Variants in SLC25A21 observed in about 807,000 individuals in gnomAD.
SLC25A21 encodes solute carrier family 25 member 21, also known as mitochondrial 2-oxodicarboxylate carrier.
Under a neutral mutation model 43.8 loss-of-function variants are expected in SLC25A21, and 47 were observed. The observed-to-expected ratio is 1.07, with a 90% confidence interval of 0.85 to 1.37. The LOEUF (loss-of-function observed/expected upper bound fraction) is 1.37, where lower values mean the gene tolerates loss of function less well. SLC25A21 is among the 40% of genes most tolerant of loss of function. The probability of loss-of-function intolerance (pLI) is 0.00; values close to 1 mark genes in which losing one functional copy is unlikely to be tolerated. For synonymous variants in SLC25A21, 131 were observed against 121.3 expected (o/e 1.08, Z -0.52); for missense variants, 352 against 350.2 (o/e 1.00, Z -0.04).
At chr14:36,959,849 A>T (rs1959445100) in intron 1 of SLC25A21, among the ~76,000 whole-genome samples, 1 of 152,230 alleles carries the variant, frequency 6.6e-6, no homozygotes, top group Admixed American at 6.5e-5. Flanking sequence ...TTAAGACAGA[A>T]TATTGAAATA....
intron 1 of SLC25A21, among the ~76,000 whole-genome samples, chr14:37,138,854 T>A (rs965315220): frequency 6.6e-6 from 1 of 152,134 alleles, no homozygotes; most frequent in African/African-American, 2.4e-5. Flanking sequence ...AATTTTTTGG[T>A]AAACTGTGTT....
chr14:37,158,078 G>A (rs1419946743), intron 1 of SLC25A21, among the ~76,000 whole-genome samples: 2 of 152,090 alleles, frequency 1.3e-5, no homozygotes, highest in South Asian at 2.1e-4. Context: ...TAGCAAGATT[G>A]AATCAGTAAT....
chr14:36,718,011 T>TA (rs954372463), intron 6 of SLC25A21, among the ~76,000 whole-genome samples: 1 of 152,092 alleles, frequency 6.6e-6, no homozygotes, highest in Non-Finnish European at 1.5e-5. Flanking sequence ...CTTGATTTGT[T>TA]AAAAAAGTAT....
chr14:36,750,516 A>G (rs1182164140), intron 3 of SLC25A21, among the ~76,000 whole-genome samples: 1 of 152,154 alleles, frequency 6.6e-6, no homozygotes, highest in East Asian at 1.9e-4. Context: ...TGGTTGTATG[A>G]GACATTGTAT....
At chr14:36,910,482 G>T (rs1291827573) in intron 1 of SLC25A21, among the ~76,000 whole-genome samples, 2 of 152,102 alleles carry the variant, frequency 1.3e-5, no homozygotes, top group Admixed American at 6.6e-5. Flanking sequence ...GTGATTATTT[G>T]GGAAGGTTTT....
intron 7 of SLC25A21, among the ~76,000 whole-genome samples, chr14:36,685,738 C>A (rs1414623859): frequency 6.6e-6 from 1 of 152,172 alleles, no homozygotes; most frequent in Admixed American, 6.5e-5. Flanking sequence ...TGCTTTCTGA[C>A]ATCAAAGTAT....
At chr14:36,817,664 T>A (rs191650946) in intron 2 of SLC25A21, among the ~76,000 whole-genome samples, 18 of 152,270 alleles carry the variant, frequency 1.2e-4, no homozygotes, top group Non-Finnish European at 2.4e-4. Context: ...GGATGGCCAT[T>A]GCACAATTGC....
intron 1 of SLC25A21, among the ~76,000 whole-genome samples, chr14:37,063,360 C>G (rs1010400928): frequency 3.9e-5 from 6 of 151,998 alleles, no homozygotes; most frequent in African/African-American, 1.4e-4. Context: ...ATTAGCCAGG[C>G]CTGGTGGCTT....
chr14:37,058,700 A>C (rs931282698), intron 1 of SLC25A21, among the ~76,000 whole-genome samples: 1 of 152,176 alleles, frequency 6.6e-6, no homozygotes, highest in Non-Finnish European at 1.5e-5. Flanking sequence ...GAATTTGGGG[A>C]CTCTAGGGTT....
chr14:37,038,584 T>A (rs2415373), intron 1 of SLC25A21, among the ~76,000 whole-genome samples: 7,317 of 152,220 alleles, frequency 0.048, 220 homozygotes, highest in African/African-American at 0.08. Flanking sequence ...TATTATGAAA[T>A]AAAAGTTTCT....
chr14:36,801,716 G>A, intron 3 of SLC25A21, among the ~76,000 whole-genome samples: 1 of 152,112 alleles, frequency 6.6e-6, no homozygotes, highest in East Asian at 1.9e-4. Context: ...AACTCAAACT[G>A]CCTCTTATTT....
chr14:36,927,151 C>T (rs973598802), intron 1 of SLC25A21, among the ~76,000 whole-genome samples: 1 of 152,160 alleles, frequency 6.6e-6, no homozygotes, highest in South Asian at 2.1e-4. Context: ...GCCTGGGCAA[C>T]AGGACAAGAC....
chr14:36,872,423 A>G (rs1299692533), intron 2 of SLC25A21, among the ~76,000 whole-genome samples: 2 of 152,180 alleles, frequency 1.3e-5, no homozygotes, highest in Non-Finnish European at 2.9e-5. Flanking sequence ...CTATTTAGAA[A>G]CACAGTCATC....
At chr14:36,900,313 G>C (rs538310363) in intron 1 of SLC25A21, among the ~76,000 whole-genome samples, 1 of 152,188 alleles carries the variant, frequency 6.6e-6, no homozygotes, top group East Asian at 2.0e-4. Context: ...TGGCCAGGAG[G>C]ATAGGGACAT....
intron 1 of SLC25A21, among the ~76,000 whole-genome samples, chr14:37,123,292 C>A (rs527934156): frequency 6.6e-6 from 1 of 152,114 alleles, no homozygotes; most frequent in South Asian, 2.1e-4. Flanking sequence ...ATTATTCTTC[C>A]GATTCCTCGA....
chr14:37,051,178 A>C (rs556931529), intron 1 of SLC25A21, among the ~76,000 whole-genome samples: 1 of 152,348 alleles, frequency 6.6e-6, no homozygotes, highest in Non-Finnish European at 1.5e-5. Flanking sequence ...CATAAGTCTA[A>C]GCACCGCATA....
chr14:36,869,856 A>T (rs2138546879), intron 2 of SLC25A21, among the ~76,000 whole-genome samples: 1 of 152,318 alleles, frequency 6.6e-6, no homozygotes, highest in East Asian at 1.9e-4. Flanking sequence ...AAGAGAGATG[A>T]GAGAGGACCT....
intron 2 of SLC25A21, among the ~76,000 whole-genome samples, chr14:36,830,097 T>C (rs1594624322): frequency 1.3e-5 from 2 of 152,276 alleles, no homozygotes; most frequent in African/African-American, 2.4e-5. Flanking sequence ...AGAGAAACCA[T>C]AGAAATAACC....
At chr14:37,146,331 G>C (rs922204458) in intron 1 of SLC25A21, among the ~76,000 whole-genome samples, 3 of 151,992 alleles carry the variant, frequency 2.0e-5, no homozygotes, top group African/African-American at 7.3e-5. Context: ...ATGCAGCCTT[G>C]ATCTCCTGGG....
Sources: gnomAD v4.1 joint callset for allele counts (sites outside exome capture counted in the v4.1 genomes callset) on GRCh38, gnomAD v4.1.1 for gene constraint, MANE v1.5 for transcripts, NCBI Gene and HGNC (gene_info 2026-07-23, HGNC 2026-07-21) for gene names.